PCID2: variants seen among roughly 807,000 people sequenced by gnomAD.
PCID2 encodes PCI domain containing 2, also known as PCI domain-containing protein 2.
Under a neutral mutation model 61.3 loss-of-function variants are expected in PCID2, and 41 were observed. The observed-to-expected ratio is 0.67, with a 90% CI of 0.52 to 0.87. PCID2 has a LOEUF of 0.87. Ranked by LOEUF, PCID2 falls within the 40% of genes least tolerant of loss-of-function variation. The probability of loss-of-function intolerance (pLI) is 0.00; values close to 1 mark genes in which losing one functional copy is unlikely to be tolerated. For missense variants in PCID2, 392 were observed against 493.4 expected, an observed-to-expected ratio of 0.79 and a Z score of 1.95; for synonymous variants, 187 against 177.8, an observed-to-expected ratio of 1.05 and a Z score of -0.41.
downstream of PCID2, among the ~76,000 whole-genome samples, chr13:113,174,522 T>G (rs548813634): frequency 6.6e-6 from 1 of 152,198 alleles, no homozygotes; most frequent in South Asian, 2.1e-4. Context: ...TGAGACAGGG[T>G]CTCTGTCTGC....
chr13:113,181,149 A>G lies in PCID2; in HGVS notation c.767T>C (p.Leu256Pro). 1 of 1,610,272 alleles carries G rather than the reference A, an allele frequency of 6.2e-7. No individual in the cohort carries two copies. The highest frequency in any genetic ancestry group is 8.5e-7 in the Non-Finnish European group (1 of 1,176,474). ...ACTCACCAATAGCATTTTTACTGGAAGCAAATAGATCAGAATCATCCTTTT... is the reference window on the plus strand; with the variant it reads ...ACTCACCAATAGCATTTTTACTGGAGGCAAATAGATCAGAATCATCCTTTT... Reference protein sequence around the residue: ...KNKRMILIYLLPVKMLLGHMP... With the variant: ...KNKRMILIYLPPVKMLLGHMP... The change falls in exon 10 of 14, where the codon CTT becomes CCT. Residue 256 changes from leucine (L) to proline (P), a missense_variant. Physicochemically the swap from Leu to Pro is moderately conservative, Grantham distance 98. This residue lies in a region of PCID2 where 226 missense variants were observed against 296.5 expected (regional missense o/e 0.76). Coordinates refer to ENST00000337344, the MANE Select transcript of PCID2 (RefSeq NM_001127202.4).
chr13:113,165,097 G>A, the PCID2 span: 3 of 1,612,476 alleles, frequency 1.9e-6, no homozygotes, highest in Non-Finnish European at 8.5e-7. Flanking sequence ...GCGTGCACCG[G>A]ATCTACAGGA....
Position 113,208,640 on chromosome 13 carries a change from C to A in PCID2, c.-6G>T. 1 of 1,605,946 alleles carries A rather than the reference C, an allele frequency of 6.2e-7. No individual in the cohort carries two copies. The stretch of plus-strand genomic sequence containing the variant: ...TTAATGGTAATGTGCGCCATGGGAG[C>A]GCCGCCGAACGGAGAGCGCCACCCC... On this transcript the variant is annotated 5_prime_UTR_variant, in exon 1 of 14. Coordinates refer to ENST00000337344, the MANE Select transcript of PCID2 (RefSeq NM_001127202.4).
rs2037393070 is a variant in PCID2 at position 113,179,203 on chromosome 13, C to T, written c.987-114G>A. On this transcript the variant is annotated intron_variant, in intron 12 of 13. Transcript: ENST00000337344. This position sits in a 1 kb window ranked among gnomAD's most constrained non-coding sequence, Gnocchi z 4.3. ...TTCTAAAGGAGTAAAAAAATTCCCA[C>T]CTATTAGATAAACTCTAAACTACAC... The T allele has an allele frequency of 3.8e-6, 3 of 791,928 alleles. No individual in the cohort carries two copies. The highest frequency in any genetic ancestry group is 3.9e-6 in the Non-Finnish European group (2 of 513,840). 49.1% of individuals were successfully genotyped at this position (791,928 alleles called of 1,614,324 possible). A position where few individuals can be genotyped will look rare whatever the true frequency, so the allele number is the denominator to read the frequency against.
chr13:113,188,915 T>A (rs1005388622), intron 7 of PCID2, among the ~76,000 whole-genome samples: 2 of 152,056 alleles, frequency 1.3e-5, no homozygotes, highest in Non-Finnish European at 2.9e-5. Context: ...ACACAATGAG[T>A]GAAAAGAGAA....
At chr13:113,199,614 C>T (rs989219592) in intron 2 of PCID2, among the ~76,000 whole-genome samples, 1 of 152,064 alleles carries the variant, frequency 6.6e-6, no homozygotes, top group Non-Finnish European at 1.5e-5. Context: ...CAGTGTGTGT[C>T]CTCTCATGTC....
chr13:113,171,205 G>A, the PCID2 span, among the ~76,000 whole-genome samples: 2 of 152,160 alleles, frequency 1.3e-5, no homozygotes, highest in African/African-American at 4.8e-5. The surrounding 1 kb of genome is among the most constrained non-coding windows in gnomAD (Gnocchi z 5.1). Flanking sequence ...TTACAGATGT[G>A]AGCCACTGTG....
chr13:113,170,590 G>A, the PCID2 span: 2 of 1,039,906 alleles, frequency 1.9e-6, no homozygotes, highest in Non-Finnish European at 3.0e-6. Context: ...TCCTATGTAA[G>A]AATGAAATGA....
At chr13:113,169,014 C>T in the PCID2 span, among the ~76,000 whole-genome samples, 1 of 152,336 alleles carries the variant, frequency 6.6e-6, no homozygotes, top group East Asian at 1.9e-4. Flanking sequence ...TAGGCGTGAG[C>T]CACCATGCCT....
At chr13:113,195,618 G>T (rs558869) in intron 5 of PCID2, among the ~76,000 whole-genome samples, 107,183 of 151,630 alleles carry the variant, frequency 0.71, 38,617 homozygotes, top group Middle Eastern at 0.81. Flanking sequence ...AGTGAGCCAA[G>T]ACTGCGCCAC....
Position 113,178,298 on chromosome 13 carries a change from G to A in PCID2, c.1111-11C>T, listed in dbSNP as rs2037291261. 2 of 1,601,996 alleles carry A rather than the reference G, an allele frequency of 1.2e-6. No individual in the cohort carries two copies. Among genetic ancestry groups the A allele is most frequent in the East Asian group, 2.2e-5 (1 of 44,660 alleles). On this transcript the variant is annotated splice_polypyrimidine_tract_variant and intron_variant, in intron 13 of 13. Coordinates refer to ENST00000337344, the MANE Select transcript of PCID2 (RefSeq NM_001127202.4). ...GCCTTTGACGTGTCCCTGCGGGGCA[G>A]AAAGGGAGGAATGCGTTTACATTTT...
chr13:113,208,420 C>T (rs2040113418), intron 1 of PCID2, 179 bp downstream of exon 1: 1 of 1,487,160 alleles, frequency 6.7e-7, no homozygotes, highest in Non-Finnish European at 8.9e-7. Context: ...AGAACTCGGG[C>T]CGCCTTCCCG....
At chr13:113,165,271 C>G in the PCID2 span, 1 of 758,752 alleles carries the variant, frequency 1.3e-6, no homozygotes, top group Admixed American at 2.0e-5. Context: ...ATTCACACTT[C>G]CAACCATGTT....
chr13:113,165,800 G>A, the PCID2 span, among the ~76,000 whole-genome samples: 1 of 152,144 alleles, frequency 6.6e-6, no homozygotes, highest in Non-Finnish European at 1.5e-5. Flanking sequence ...CAAAGTGCTG[G>A]GATTACAGGC....
chr13:113,176,361 G>A (rs2037185016), downstream of PCID2, among the ~76,000 whole-genome samples: 1 of 27,672 alleles, frequency 3.6e-5, no homozygotes, highest in Non-Finnish European at 1.2e-4. Context: ...TTACATTGAA[G>A]TCCTAGCCCC....
chr13:113,205,989 A>G (rs544394229), intron 1 of PCID2, among the ~76,000 whole-genome samples: 13 of 152,362 alleles, frequency 8.5e-5, no homozygotes, highest in South Asian at 4.1e-4. Context: ...TGCATTCAGC[A>G]TAAGTGAAAT....
At chr13:113,178,392 C>G (rs926174175) in intron 13 of PCID2, 105 bp from the exon 14 acceptor site, 2 of 763,292 alleles carry the variant, frequency 2.6e-6, no homozygotes, top group African/African-American at 1.7e-5. Context: ...TCCCCAAGAG[C>G]GGCACAGTTC....
At chr13:113,165,654 C>A in the PCID2 span, among the ~76,000 whole-genome samples, 2 of 152,206 alleles carry the variant, frequency 1.3e-5, no homozygotes, top group Non-Finnish European at 2.9e-5. Context: ...CCTCCACCTC[C>A]TGAGTAGCTG....
Position 113,177,853 on chromosome 13 carries a change from C to A in PCID2, c.*345G>T. The A allele has an allele frequency of 5.6e-6, 1 of 178,436 alleles. No individual in the cohort carries two copies. Among genetic ancestry groups the A allele is most frequent in the South Asian group, 1.3e-4 (1 of 7,742 alleles). The allele number at this position is 178,436 out of a possible 1,614,324, so 11.1% of individuals were successfully genotyped here. ...ATAAATTCAGAATACGCTTTTTACA[C>A]AAAGAACTACAAAAAGTTACAAAGA... On this transcript the variant is annotated 3_prime_UTR_variant, in exon 14 of 14. Coordinates refer to ENST00000337344, the MANE Select transcript of PCID2 (RefSeq NM_001127202.4).
Sources: gnomAD v4.1 joint callset for allele counts (sites outside exome capture counted in the v4.1 genomes callset) on GRCh38, gnomAD v4.1.1 for gene constraint, gnomAD v4.1.1 regional missense constraint, Gnocchi (gnomAD v3.1) non-coding constraint, MANE v1.5 for transcripts, NCBI Gene and HGNC (gene_info 2026-07-23, HGNC 2026-07-21) for gene names.